Variants in CTDSP2 observed in about 807,000 individuals in gnomAD.
CTDSP2 encodes the protein CTD small phosphatase 2, also known as carboxy-terminal domain RNA polymerase II polypeptide A small phosphatase 2.
CTDSP2 carries 9 observed loss-of-function variants against 31.6 expected under a neutral mutation model. The ratio of observed to expected loss-of-function variants is 0.28; its 90% CI spans 0.17 to 0.50. The LOEUF (loss-of-function observed/expected upper bound fraction) is 0.50, where lower values mean the gene tolerates loss of function less well. Ranked by LOEUF, CTDSP2 falls within the 20% of genes least tolerant of loss-of-function variation. CTDSP2 has a pLI of 0.98. For synonymous variants in CTDSP2, 134 were observed against 134.5 expected, an observed-to-expected ratio of 1.00 and a Z score of 0.03; for missense variants, 267 against 348.5, an observed-to-expected ratio of 0.77 and a Z score of 1.86.
At chr12:57,845,086 G>A (rs1956306209) in intron 1 of CTDSP2, among the ~76,000 whole-genome samples, 1 of 152,182 alleles carries the variant, frequency 6.6e-6, no homozygotes, top group Admixed American at 6.5e-5. Flanking sequence ...ACGAGGCCCC[G>A]AAGCTGGCCG....
chr12:57,832,009 C>T (rs1229332169), intron 1 of CTDSP2, among the ~76,000 whole-genome samples: 3 of 152,204 alleles, frequency 2.0e-5, no homozygotes, highest in East Asian at 3.8e-4. Context: ...GGCCTTTACA[C>T]AGCAGTTGGA....
chr12:57,846,326 C>G, intron 1 of CTDSP2, 46 bp downstream of exon 1: 2 of 1,562,866 alleles, frequency 1.3e-6, no homozygotes, highest in Non-Finnish European at 1.7e-6. Flanking sequence ...CTAGCCCCCT[C>G]CGCGCCCGGG....
chr12:57,846,538 G>T lies in CTDSP2; in HGVS notation c.-103C>A, dbSNP rs936473319. 28 of 902,472 alleles carry T rather than the reference G, an allele frequency of 3.1e-5. No individual in the cohort carries two copies. The highest frequency in any genetic ancestry group is 7.1e-4 in the Middle Eastern group (2 of 2,814). 55.9% of individuals were successfully genotyped at this position (902,472 alleles called of 1,614,324 possible). A position where few individuals can be genotyped will look rare whatever the true frequency, so the allele number is the denominator to read the frequency against. On this transcript the variant is annotated 5_prime_UTR_variant, in exon 1 of 8. Coordinates refer to ENST00000398073, the MANE Select transcript of CTDSP2 (RefSeq NM_005730.4). ...GGCGGGGGCCCGCTCCGGCTCCCGA[G>T]ACTCCGACTTCCACAGCTGTTCACA...
chr12:57,834,446 G>C (rs1486422414), intron 1 of CTDSP2, among the ~76,000 whole-genome samples: 1 of 152,142 alleles, frequency 6.6e-6, no homozygotes, highest in Admixed American at 6.5e-5. Context: ...ACAAGGCTCT[G>C]GGATTCCACT....
At chr12:57,829,305 G>T in intron 2 of CTDSP2, 143 bp downstream of exon 2, 1 of 907,330 alleles carries the variant, frequency 1.1e-6, no homozygotes, top group Non-Finnish European at 1.7e-6. Context: ...CACTACTTAT[G>T]GAAGGATGGA....
In CTDSP2 at chr12:57,832,426, T is replaced by C. The variant is rs539303754; in HGVS notation, c.65-2830A>G. On this transcript the variant is annotated intron_variant, in intron 1 of 7. Transcript: ENST00000398073. ...GATAAGCTGAGCACGGTGGCTCATATAGGAGGACTGCTCAAGCTCAGAAGT... is the reference window on the plus strand; with the variant it reads ...GATAAGCTGAGCACGGTGGCTCATACAGGAGGACTGCTCAAGCTCAGAAGT... Among the ~76,000 whole-genome samples, 7 of 152,186 alleles carry C rather than the reference T, an allele frequency of 4.6e-5. No homozygotes were observed. The East Asian group carries it at 5.8e-4, about 13-fold the overall frequency.
At position 57,821,272 on chromosome 12, in the gene CTDSP2, G is replaced by C. The variant is rs918500513; in HGVS notation, c.*2330C>G. 1 of 152,236 alleles carries C rather than the reference G, an allele frequency of 6.6e-6. No individual in the cohort carries two copies. The highest frequency in any genetic ancestry group is 2.4e-5 in the African/African-American group (1 of 41,424). The allele number at this position is 152,236 out of a possible 1,614,324, so 9.4% of individuals were successfully genotyped here. On this transcript the variant is annotated 3_prime_UTR_variant, in exon 8 of 8. Transcript: ENST00000398073. ...GGGGGAGTTGCAGGTGGGCAGGCAG[G>C]GTTCTGATGGGAGTGAGGCCTAAAA...
chr12:57,826,033 A>T (rs1233996322), intron 5 of CTDSP2, among the ~76,000 whole-genome samples: 1 of 152,214 alleles, frequency 6.6e-6, no homozygotes, highest in Non-Finnish European at 1.5e-5. Context: ...AGTGCTGGCC[A>T]CGTGAGGGGA....
chr12:57,824,472 A>C (rs2140473030), intron 5 of CTDSP2, 153 bp from the exon 6 acceptor site: 1 of 679,006 alleles, frequency 1.5e-6, no homozygotes, highest in African/African-American at 1.8e-5. Flanking sequence ...GCCCCCTGAG[A>C]CCCCACAGAC....
At chr12:57,839,088 T>C (rs1468465152) in intron 1 of CTDSP2, among the ~76,000 whole-genome samples, 1 of 152,150 alleles carries the variant, frequency 6.6e-6, no homozygotes, top group Non-Finnish European at 1.5e-5. Flanking sequence ...TCCTCCTTCA[T>C]ATGGCTGGCC....
intron 1 of CTDSP2, among the ~76,000 whole-genome samples, chr12:57,835,919 T>A (rs1372282374): frequency 6.6e-6 from 1 of 152,222 alleles, no homozygotes; most frequent in Admixed American, 6.5e-5. Context: ...TAAACTGGGA[T>A]AACAGCAAGC....
At chr12:57,842,836 T>G (rs1236759726) in intron 1 of CTDSP2, 2 of 152,188 alleles carry the variant, frequency 1.3e-5, no homozygotes, top group Non-Finnish European at 2.9e-5. Context: ...AAGATTCATG[T>G]CTAAGCTTTT....
chr12:57,831,311 G>A (rs965776780), intron 1 of CTDSP2, among the ~76,000 whole-genome samples: 10 of 151,912 alleles, frequency 6.6e-5, no homozygotes, highest in Non-Finnish European at 8.8e-5. Flanking sequence ...CAAAACAGCC[G>A]TGCGTGTGGC....
At chr12:57,828,302 C>T (rs915413651) in intron 2 of CTDSP2, among the ~76,000 whole-genome samples, 1 of 151,998 alleles carries the variant, frequency 6.6e-6, no homozygotes, top group Non-Finnish European at 1.5e-5. Context: ...GCCTGTAATC[C>T]CAGCTACTCG....
At chr12:57,834,649 G>A (rs915265406) in intron 1 of CTDSP2, among the ~76,000 whole-genome samples, 2 of 152,200 alleles carry the variant, frequency 1.3e-5, no homozygotes, top group African/African-American at 4.8e-5. Context: ...TTGTGTCAAA[G>A]AGCCTTTCAA....
intron 2 of CTDSP2, among the ~76,000 whole-genome samples, chr12:57,829,056 A>G (rs545247869): frequency 2.0e-5 from 3 of 152,340 alleles, no homozygotes; most frequent in South Asian, 4.1e-4. Flanking sequence ...TGACACTACT[A>G]TTTATTAACC....
chr12:57,827,387 C>A, intron 3 of CTDSP2, 165 bp downstream of exon 3: 1 of 735,826 alleles, frequency 1.4e-6, no homozygotes, highest in East Asian at 2.7e-5. Context: ...AAATCTAATG[C>A]CTTGCACATA....
chr12:57,838,839 T>C (rs1956263733), intron 1 of CTDSP2, among the ~76,000 whole-genome samples: 1 of 152,200 alleles, frequency 6.6e-6, no homozygotes, highest in Admixed American at 6.5e-5. Flanking sequence ...TCAGGGAGTG[T>C]CCTGGTCCTA....
In CTDSP2 at chr12:57,823,194, T is replaced by G. The variant is rs1410107247; in HGVS notation, c.*408A>C. 1 of 210,808 alleles carries G rather than the reference T, an allele frequency of 4.7e-6. No individual in the cohort carries two copies. Among genetic ancestry groups the G allele is most frequent in the Non-Finnish European group, 9.8e-6 (1 of 101,994 alleles). The allele number at this position is 210,808 out of a possible 1,614,324, so 13.1% of individuals were successfully genotyped here. A position where few individuals can be genotyped will look rare whatever the true frequency, so the allele number is the denominator to read the frequency against. ...TACAACACTGAGGAAAGGCCATGGT[T>G]TGGCAATGGAGTCTTCAATAGTCTT... On this transcript the variant is annotated 3_prime_UTR_variant, in exon 8 of 8. Coordinates refer to ENST00000398073, the MANE Select transcript of CTDSP2 (RefSeq NM_005730.4).
Sources: allele counts gnomAD v4.1 joint callset (sites outside exome capture counted in the v4.1 genomes callset), GRCh38; gene constraint gnomAD v4.1.1; transcripts MANE v1.5; gene names NCBI Gene and HGNC (gene_info 2026-07-23, HGNC 2026-07-21).